The following AAMDC variants were observed in gnomAD, a reference collection of about 807,000 sequenced individuals.
AAMDC encodes the protein adipogenesis associated Mth938 domain containing.
A neutral mutation model predicts 15.5 loss-of-function variants in AAMDC; 16 were observed. The ratio of observed to expected loss-of-function variants is 1.03; its 90% CI spans 0.70 to 1.57. The LOEUF (loss-of-function observed/expected upper bound fraction) is 1.57, where lower values mean the gene tolerates loss of function less well. Among genes scored for constraint, AAMDC ranks in the 40% most tolerant of loss-of-function variants. AAMDC has a pLI of 0.00. For missense variants in AAMDC, 141 were observed against 144.9 expected (o/e 0.97, Z 0.14); for synonymous variants, 51 against 51.6 (o/e 0.99, Z 0.05).
chr11:77,863,682 C>T (rs1380359337), intron 2 of AAMDC, among the ~76,000 whole-genome samples: 1 of 152,152 alleles, frequency 6.6e-6, no homozygotes, highest in African/African-American at 2.4e-5. Context: ...AGCCACCGCA[C>T]CTGGCTGATT....
intron 1 of AAMDC, among the ~76,000 whole-genome samples, chr11:77,823,448 G>C (rs1419877865): frequency 6.6e-6 from 1 of 151,316 alleles, no homozygotes; most frequent in Non-Finnish European, 1.5e-5. Context: ...AAAATAATCT[G>C]GGCGAGGTGG....
chr11:77,875,785 TG>T (rs1360515484), downstream of AAMDC, among the ~76,000 whole-genome samples: 2 of 152,026 alleles, frequency 1.3e-5, no homozygotes, highest in Non-Finnish European at 2.9e-5. Context: ...TCCTGAAGAA[TG>T]GAAGGAAAGA....
chr11:77,887,388 C>T (rs1281215665), intron 5 of AAMDC, among the ~76,000 whole-genome samples: 1 of 152,188 alleles, frequency 6.6e-6, no homozygotes, highest in Non-Finnish European at 1.5e-5. Context: ...ATGCTAAAAA[C>T]TCTCAATAAA....
chr11:77,869,317 T>C (rs1198795289), intron 2 of AAMDC: 45 of 163,846 alleles, frequency 2.7e-4, no homozygotes, highest in Middle Eastern at 2.6e-3. Flanking sequence ...TTTTTCTTTT[T>C]TTTTTTTTTT....
At chr11:77,850,489 C>T (rs1950325002) in intron 2 of AAMDC, 1 of 152,036 alleles carries the variant, frequency 6.6e-6, no homozygotes, top group Non-Finnish European at 1.5e-5. Flanking sequence ...TGGAAACATG[C>T]ATAGATCATC....
At chr11:77,887,768 T>TAAGA (rs1952080071) in intron 5 of AAMDC, among the ~76,000 whole-genome samples, 1 of 152,214 alleles carries the variant, frequency 6.6e-6, no homozygotes, top group Non-Finnish European at 1.5e-5. Context: ...AGCATTCTTA[T>TAAGA]ACGCCAATAA....
intron 2 of AAMDC, 139 bp from the exon 3 acceptor site, chr11:77,869,583 C>A (rs1951315815): frequency 1.3e-6 from 1 of 774,898 alleles, no homozygotes; most frequent in Non-Finnish European, 2.1e-6. Context: ...TTCCTAAGTG[C>A]CTTAAAGAGC....
At chr11:77,875,566 T>C (rs1381999751), downstream of AAMDC, among the ~76,000 whole-genome samples, 1 of 152,236 alleles carries the variant, frequency 6.6e-6, no homozygotes, top group Non-Finnish European at 1.5e-5. Flanking sequence ...TGCTCTCTGA[T>C]TCTTCCAATT....
intron 5 of AAMDC, among the ~76,000 whole-genome samples, chr11:77,885,693 C>A (rs534807009): frequency 1.0e-3 from 154 of 151,802 alleles, no homozygotes; most frequent in Non-Finnish European, 1.6e-3. Context: ...GTGGCGTGTG[C>A]CTGTAGTCCC....
intron 5 of AAMDC, among the ~76,000 whole-genome samples, chr11:77,881,695 C>G (rs1951797879): frequency 6.6e-6 from 1 of 152,208 alleles, no homozygotes; most frequent in Admixed American, 6.5e-5. Flanking sequence ...ACTAGAGACA[C>G]AGGCTACTAA....
chr11:77,837,403 T>A (rs1381915401), intron 1 of AAMDC, among the ~76,000 whole-genome samples: 1 of 151,564 alleles, frequency 6.6e-6, no homozygotes, highest in Non-Finnish European at 1.5e-5. Context: ...CCCAAAATGC[T>A]GGCATCACAG....
downstream of AAMDC, among the ~76,000 whole-genome samples, chr11:77,872,956 A>T (rs1951495689): frequency 6.6e-6 from 1 of 152,230 alleles, no homozygotes; most frequent in Non-Finnish European, 1.5e-5. Context: ...GTTTCAAAAA[A>T]GAAAAAATTC....
intron 5 of AAMDC, among the ~76,000 whole-genome samples, chr11:77,892,644 G>A (rs1356063557): frequency 2.6e-5 from 4 of 152,054 alleles, no homozygotes; most frequent in Non-Finnish European, 5.9e-5. Context: ...GTGCAATGGC[G>A]TGATCTCGGC....
chr11:77,901,574 A>G (rs1793342), downstream of AAMDC: 1 of 1,543,212 alleles, frequency 6.5e-7, no homozygotes, highest in African/African-American at 1.4e-5. Context: ...GATAATTAAC[A>G]ATCAATAAAA....
intron 5 of AAMDC, among the ~76,000 whole-genome samples, chr11:77,889,541 TATA>T (rs1190112207): frequency 1.3e-5 from 2 of 152,096 alleles, no homozygotes; most frequent in African/African-American, 2.4e-5. Context: ...AAACTTAAAG[TATA>T]ATAATAATAA....
At chr11:77,830,761 G>T (rs1180383725) in intron 1 of AAMDC, among the ~76,000 whole-genome samples, 1 of 151,888 alleles carries the variant, frequency 6.6e-6, no homozygotes, top group Admixed American at 6.6e-5. Flanking sequence ...TTTCACCAAA[G>T]AAAATATACA....
intron 3 of AAMDC, 156 bp from the exon 4 acceptor site, chr11:77,872,019 G>T: frequency 1.6e-6 from 1 of 621,820 alleles, no homozygotes. Context: ...GACTCATTGG[G>T]GCTCACTGCC....
chr11:77,866,146 GA>G (rs1420913674), intron 2 of AAMDC, among the ~76,000 whole-genome samples: 1 of 152,196 alleles, frequency 6.6e-6, no homozygotes, highest in Non-Finnish European at 1.5e-5. Context: ...AGTAGTTTAG[GA>G]ATGTTTTCTT....
downstream of AAMDC, among the ~76,000 whole-genome samples, chr11:77,904,589 A>G (rs1212319166): frequency 6.6e-6 from 1 of 152,226 alleles, no homozygotes; most frequent in Admixed American, 6.5e-5. Flanking sequence ...AGTCCCATGT[A>G]TCTGGTGGCT....
Sources: gnomAD v4.1 joint callset for allele counts (sites outside exome capture counted in the v4.1 genomes callset) on GRCh38, gnomAD v4.1.1 for gene constraint, MANE v1.5 for transcripts, NCBI Gene and HGNC (gene_info 2026-07-23, HGNC 2026-07-21) for gene names.